The following GRID1 variants were observed in gnomAD, a reference collection of about 807,000 sequenced individuals.
GRID1 encodes glutamate receptor ionotropic, delta-1.
Under a neutral mutation model 98.0 loss-of-function variants are expected in GRID1, and 28 were observed. The ratio of observed to expected loss-of-function variants is 0.29; its 90% CI spans 0.21 to 0.39. GRID1 has a LOEUF of 0.39. GRID1 is among the 10% of genes least tolerant of loss of function. GRID1 has a pLI of 1.00. For synonymous variants in GRID1, 553 were observed against 538.5 expected, an observed-to-expected ratio of 1.03 and a Z score of -0.37; for missense variants, 1,111 against 1,340.5, an observed-to-expected ratio of 0.83 and a Z score of 2.67.
At chr10:85,722,980 A>G (rs1437265672) in intron 12 of GRID1, 23 bp downstream of exon 12, 64 of 1,595,742 alleles carry the variant, frequency 4.0e-5, no homozygotes, top group Non-Finnish European at 5.3e-5. Flanking sequence ...TGCTGGCTCC[A>G]GATCAAGGAG....
chr10:86,060,234 T>C lies in GRID1; in HGVS notation c.726+78585A>G, dbSNP rs181258054. On this transcript the variant is annotated intron_variant, in intron 4 of 15. Coordinates refer to ENST00000327946, the MANE Select transcript of GRID1 (RefSeq NM_017551.3). Reference sequence around the variant, plus strand: ...CTACAAATAGACATAAAGTCTTTCATCTGCTTCCCTAAGAGTTTTTATGTT... The same window carrying C: ...CTACAAATAGACATAAAGTCTTTCACCTGCTTCCCTAAGAGTTTTTATGTT... Among the ~76,000 whole-genome samples, 26 of 152,386 alleles carry C rather than the reference T, an allele frequency of 1.7e-4. 1 individual carries two copies. Among genetic ancestry groups the C allele is most frequent in the East Asian group, 5.8e-4 (3 of 5,194 alleles).
intron 15 of GRID1, among the ~76,000 whole-genome samples, chr10:85,610,555 T>C (rs1842721038): frequency 6.6e-6 from 1 of 152,206 alleles, no homozygotes; most frequent in Admixed American, 6.5e-5. Flanking sequence ...CCCCAAGTAG[T>C]CTTCAATAAC....
intron 8 of GRID1, among the ~76,000 whole-genome samples, chr10:85,825,106 A>C (rs745662058): frequency 6.6e-6 from 1 of 152,214 alleles, no homozygotes; most frequent in African/African-American, 2.4e-5. Context: ...TAGTTTTTTG[A>C]GAAATGCCCA....
chr10:86,229,307 G>A (rs1266270165), intron 2 of GRID1, among the ~76,000 whole-genome samples: 1 of 152,076 alleles, frequency 6.6e-6, no homozygotes, highest in African/African-American at 2.4e-5. Context: ...TGGGGCCTGA[G>A]GCCACCAAAA....
intron 2 of GRID1, among the ~76,000 whole-genome samples, chr10:86,234,648 T>C (rs572054718): frequency 5.9e-5 from 9 of 152,344 alleles, no homozygotes; most frequent in African/African-American, 1.7e-4. Flanking sequence ...GGTGTAAATC[T>C]TTAATTTCAC....
intron 8 of GRID1, among the ~76,000 whole-genome samples, chr10:85,763,462 G>A (rs1842168392): frequency 6.6e-6 from 1 of 152,168 alleles, no homozygotes; most frequent in South Asian, 2.1e-4. Context: ...ACTACCTTCT[G>A]ATTTACATAA....
chr10:85,924,809 T>G (rs1283441234), intron 4 of GRID1, among the ~76,000 whole-genome samples: 1 of 152,256 alleles, frequency 6.6e-6, no homozygotes, highest in African/African-American at 2.4e-5. Flanking sequence ...TCAGTCCTTC[T>G]TGTTGACCAA....
intron 2 of GRID1, among the ~76,000 whole-genome samples, chr10:86,258,207 T>C (rs896463771): frequency 2.0e-5 from 3 of 152,116 alleles, no homozygotes; most frequent in Non-Finnish European, 2.9e-5. Context: ...ATATAGAGCA[T>C]AAGATTTTAG....
rs139892772 is a variant in GRID1 at position 86,163,988 on chromosome 10, G to C, written c.521-24964C>G. Reference sequence around the variant, plus strand: ...CAAGGCAAGGAAGGGTCTCAGGCCTGAGGCCCCTGCACCACCCGGTGCTGC... The same window carrying C: ...CAAGGCAAGGAAGGGTCTCAGGCCTCAGGCCCCTGCACCACCCGGTGCTGC... On this transcript the variant is annotated intron_variant, in intron 3 of 15. Coordinates refer to ENST00000327946, the MANE Select transcript of GRID1 (RefSeq NM_017551.3). Among the ~76,000 whole-genome samples the C allele has an allele frequency of 2.0e-3, 312 of 152,270 alleles. 2 individuals carry two copies. The highest frequency in any genetic ancestry group is 7.0e-3 in the African/African-American group (291 of 41,558).
chr10:85,756,748 C>T (rs190155224), intron 8 of GRID1, among the ~76,000 whole-genome samples: 1 of 152,294 alleles, frequency 6.6e-6, no homozygotes, highest in Admixed American at 6.5e-5. Flanking sequence ...ACTGAAACCG[C>T]AAATAAGGGA....
At chr10:85,665,747 A>G (rs1393058490) in intron 12 of GRID1, among the ~76,000 whole-genome samples, 1 of 152,216 alleles carries the variant, frequency 6.6e-6, no homozygotes, top group Non-Finnish European at 1.5e-5. Flanking sequence ...TCCCTTCGTG[A>G]TATAAACGCC....
intron 10 of GRID1, among the ~76,000 whole-genome samples, chr10:85,726,936 T>C (rs1336405357): frequency 6.6e-6 from 1 of 152,162 alleles, no homozygotes; most frequent in Non-Finnish European, 1.5e-5. Context: ...ACAGTAAAGG[T>C]GTTTCTGAAA....
chr10:86,045,947 C>T (rs1438855857), intron 4 of GRID1, among the ~76,000 whole-genome samples: 1 of 152,078 alleles, frequency 6.6e-6, no homozygotes, highest in Non-Finnish European at 1.5e-5. Flanking sequence ...CTTCCACTGG[C>T]CATGGACTTG....
chr10:86,307,539 G>C (rs1163141177), intron 2 of GRID1, among the ~76,000 whole-genome samples: 3 of 152,010 alleles, frequency 2.0e-5, no homozygotes, highest in Non-Finnish European at 2.9e-5. Context: ...GAGCTGCTGT[G>C]GGGGGGAATG....
chr10:85,951,769 A>C (rs1842128706), intron 4 of GRID1, among the ~76,000 whole-genome samples: 1 of 152,144 alleles, frequency 6.6e-6, no homozygotes. Context: ...TGCTGGCTAA[A>C]GGCTCACGTT....
intron 2 of GRID1, among the ~76,000 whole-genome samples, chr10:86,294,310 G>A (rs61856580): frequency 0.057 from 8,648 of 152,274 alleles, 340 homozygotes; most frequent in South Asian, 0.12. Context: ...CTCCTGTGTG[G>A]ACCCTGACTT....
At chr10:85,721,561 G>A (rs973741718) in intron 12 of GRID1, among the ~76,000 whole-genome samples, 6 of 152,144 alleles carry the variant, frequency 3.9e-5, no homozygotes, top group African/African-American at 1.2e-4. Flanking sequence ...AAACGTGGAC[G>A]AATCTCTAAG....
chr10:86,323,249 G>C (rs1249673525), intron 2 of GRID1, among the ~76,000 whole-genome samples: 1 of 152,186 alleles, frequency 6.6e-6, no homozygotes, highest in Non-Finnish European at 1.5e-5. Context: ...AAGGGATGTG[G>C]GGCTTCTCTT....
chr10:85,719,533 A>T (rs1001591542), intron 12 of GRID1, among the ~76,000 whole-genome samples: 1 of 152,200 alleles, frequency 6.6e-6, no homozygotes, highest in Non-Finnish European at 1.5e-5. Flanking sequence ...GCAAGAGAAA[A>T]TGAGGAAGAA....
Sources: allele counts gnomAD v4.1 joint callset (sites outside exome capture counted in the v4.1 genomes callset), GRCh38; gene constraint gnomAD v4.1.1; transcripts MANE v1.5; gene names NCBI Gene and HGNC (gene_info 2026-07-23, HGNC 2026-07-21).